Variants in GRAMD1C observed in about 807,000 individuals in gnomAD.
The protein encoded by GRAMD1C is GRAM domain containing 1C.
GRAMD1C carries 89 observed loss-of-function variants against 97.8 expected under a neutral mutation model. The observed-to-expected ratio is 0.91, with a 90% CI of 0.77 to 1.09. The LOEUF is 1.09. Among genes scored for constraint, GRAMD1C ranks in the 50% least tolerant of loss-of-function variants. GRAMD1C has a pLI of 0.00. For synonymous variants in GRAMD1C, 256 were observed against 267.0 expected (o/e 0.96, Z 0.40); for missense variants, 740 against 766.4 (o/e 0.97, Z 0.41).
intron 10 of GRAMD1C, among the ~76,000 whole-genome samples, chr3:113,927,970 G>A (rs1452548069): frequency 6.6e-6 from 1 of 152,166 alleles, no homozygotes; most frequent in African/African-American, 2.4e-5. Context: ...GAAACTCTGG[G>A]TGTCTCTCTG....
intron 8 of GRAMD1C, among the ~76,000 whole-genome samples, chr3:113,907,943 A>C (rs1936428207): frequency 6.6e-6 from 1 of 152,216 alleles, no homozygotes; most frequent in South Asian, 2.1e-4. Flanking sequence ...GGAACTCCCA[A>C]ATAAATCAAG....
At chr3:113,905,764 C>G (rs576647135) in intron 8 of GRAMD1C, among the ~76,000 whole-genome samples, 1 of 151,648 alleles carries the variant, frequency 6.6e-6, no homozygotes, top group East Asian at 1.9e-4. Context: ...GGTGTGATCT[C>G]AGCTCACTGC....
At chr3:113,888,990 C>T (rs529464651) in intron 6 of GRAMD1C, among the ~76,000 whole-genome samples, 51 of 152,132 alleles carry the variant, frequency 3.4e-4, no homozygotes, top group African/African-American at 1.1e-3. Flanking sequence ...CACCTGAGGT[C>T]GGGAGTTCGA....
chr3:113,906,902 CTG>C (rs1458309283), intron 8 of GRAMD1C, among the ~76,000 whole-genome samples: 1 of 152,190 alleles, frequency 6.6e-6, no homozygotes, highest in Admixed American at 6.5e-5. Flanking sequence ...GTACTTCCCA[CTG>C]TGTTATACTG....
intron 2 of GRAMD1C, among the ~76,000 whole-genome samples, chr3:113,866,160 A>G (rs745783806): frequency 9.2e-5 from 14 of 152,142 alleles, no homozygotes; most frequent in Non-Finnish European, 1.3e-4. Context: ...CATTCTATCA[A>G]TTATTAAGAA....
chr3:113,890,647 C>T (rs372229018), intron 6 of GRAMD1C: 23 of 651,714 alleles, frequency 3.5e-5, no homozygotes, highest in Middle Eastern at 2.3e-4. Context: ...GCTCAGAATC[C>T]GTGAGGTGCA....
chr3:113,901,988 A>G (rs540081000), intron 7 of GRAMD1C, among the ~76,000 whole-genome samples: 4 of 14,272 alleles, frequency 2.8e-4, no homozygotes, highest in Admixed American at 2.9e-3. Flanking sequence ...AGTGACTGCA[A>G]GTGACTGCAA....
rs1933523885 is a variant in GRAMD1C, at chr3:113,844,520, T to G, written c.45T>G (p.Asp15Glu). Residue 15 changes from aspartate (D) to glutamate (E), a missense_variant, in exon 2 of 18, where the codon GAT becomes GAG. Asp to Glu is a conservative substitution (Grantham distance 45). Transcript: ENST00000358160. ...GTTTCCAGGTGATGAATGAAGGGGA[T>G]TCAAGCCTTGCCACCGACTTACAGG... is the stretch of plus-strand genomic sequence containing the variant. Reference protein sequence around the residue: ...PTVRQVMNEGDSSLATDLQED... With the variant: ...PTVRQVMNEGESSLATDLQED... 3 of 1,590,666 alleles carry G rather than the reference T, an allele frequency of 1.9e-6. No individual in the cohort carries two copies. The highest frequency in any genetic ancestry group is 8.6e-7 in the Non-Finnish European group (1 of 1,160,712).
chr3:113,838,854 G>C lies in GRAMD1C; in HGVS notation c.-56G>C, dbSNP rs531322717. On this transcript the variant is annotated 5_prime_UTR_variant, in exon 1 of 18. Transcript: ENST00000358160. ...CGCAGCGCGCGCTGGAGGTGGGCGCGGGGCGGTGCGGTGCGGTGCGCGCGG... is the reference window on the plus strand; with the variant it reads ...CGCAGCGCGCGCTGGAGGTGGGCGCCGGGCGGTGCGGTGCGGTGCGCGCGG... The C allele has an allele frequency of 1.3e-5, 16 of 1,207,382 alleles. No homozygotes were observed. Among genetic ancestry groups the C allele is most frequent in the South Asian group, 4.2e-5 (1 of 23,962 alleles). The allele number at this position is 1,207,382 out of a possible 1,614,324, so 74.8% of individuals were successfully genotyped here. A position where few individuals can be genotyped will look rare whatever the true frequency, so the allele number is the denominator to read the frequency against.
intron 6 of GRAMD1C, among the ~76,000 whole-genome samples, chr3:113,888,300 C>T (rs1935589229): frequency 6.6e-6 from 1 of 152,114 alleles, no homozygotes; most frequent in Non-Finnish European, 1.5e-5. Flanking sequence ...ACAAGTTGAA[C>T]TCAAAGCAGA....
chr3:113,837,136 C>T (rs971729191), upstream of GRAMD1C, among the ~76,000 whole-genome samples: 2 of 150,746 alleles, frequency 1.3e-5, no homozygotes, highest in Admixed American at 1.3e-4. Context: ...TTCTTTCTCT[C>T]TCTCTGTCTC....
At position 113,933,593 on chromosome 3, in the gene GRAMD1C, A is replaced by G. The variant is rs1421260097; in HGVS notation, c.1292A>G (p.Tyr431Cys). 2.1e-5 allele frequency: 34 copies of G among 1,604,096 alleles called. No homozygotes were observed. In the East Asian group the frequency reaches 5.1e-4, roughly 24 times the overall value. ...ACACATGATGTCCCCTACCATGATT[A>G]CTTCTATACCGTGAACAGATACTGT... ...VLTHDVPYHD[Y>C]FYTVNRYCII... The change falls in exon 12 of 18, where the codon TAC becomes TGC. Residue 431 changes from tyrosine to cysteine, a missense_variant. By Grantham distance (194) the Tyr-to-Cys change is radical. Transcript: ENST00000358160.
chr3:113,917,104 C>T (rs1936840689), intron 10 of GRAMD1C, among the ~76,000 whole-genome samples: 1 of 151,976 alleles, frequency 6.6e-6, no homozygotes, highest in South Asian at 2.1e-4. Context: ...CCACTGCACT[C>T]CAGTGCCACT....
chr3:113,939,567 G>C (rs1937668636), intron 15 of GRAMD1C: 1 of 177,194 alleles, frequency 5.6e-6, no homozygotes, highest in Admixed American at 6.0e-5. Flanking sequence ...AGATTTCAAA[G>C]CTGGTGGTCT....
At chr3:113,912,568 T>C (rs924424338) in intron 9 of GRAMD1C, among the ~76,000 whole-genome samples, 1 of 151,916 alleles carries the variant, frequency 6.6e-6, no homozygotes, top group Non-Finnish European at 1.5e-5. Context: ...GACTTGTCTC[T>C]ACAAAAAATA....
Position 113,838,925 on chromosome 3 carries a change from A to G in GRAMD1C, c.16A>G (p.Thr6Ala). MEGAP[T>A]VRQVMNEGDS... ...GGGAGCCGCGATGGAGGGCGCTCCG[A>G]CTGTCCGTCAGGTAAGCCGCGGGCC... The change falls in exon 1 of 18, where the codon ACT (threonine) becomes GCT (alanine). Residue 6 changes from threonine to alanine, a missense_variant. By Grantham distance (58) the Thr-to-Ala change is moderately conservative. Coordinates refer to ENST00000358160, the MANE Select transcript of GRAMD1C (RefSeq NM_017577.5). The G allele has an allele frequency of 1.7e-6, 2 of 1,169,260 alleles. No individual in the cohort carries two copies. Among genetic ancestry groups the G allele is most frequent in the South Asian group, 4.6e-5 (1 of 21,732 alleles). 72.4% of individuals were successfully genotyped at this position (1,169,260 alleles called of 1,614,324 possible).
chr3:113,885,492 G>A, intron 6 of GRAMD1C: 1 of 1,605,658 alleles, frequency 6.2e-7, no homozygotes, highest in South Asian at 1.1e-5. Context: ...AGATCCTGGT[G>A]CTGGATCTGG....
At chr3:113,916,831 A>C (rs988030978) in intron 10 of GRAMD1C, among the ~76,000 whole-genome samples, 5 of 152,094 alleles carry the variant, frequency 3.3e-5, no homozygotes, top group Admixed American at 6.6e-5. Flanking sequence ...CATAAGAAGA[A>C]TTTCATTGAT....
At chr3:113,911,767 C>G (rs1394213535) in intron 9 of GRAMD1C, among the ~76,000 whole-genome samples, 1 of 89,132 alleles carries the variant, frequency 1.1e-5, no homozygotes, top group African/African-American at 3.4e-5. Flanking sequence ...TTGCTCTGTC[C>G]CCTGAGCTAG....
Sources: gnomAD v4.1 joint callset for allele counts (sites outside exome capture counted in the v4.1 genomes callset) on GRCh38, gnomAD v4.1.1 for gene constraint, MANE v1.5 for transcripts, NCBI Gene and HGNC (gene_info 2026-07-23, HGNC 2026-07-21) for gene names.